The following SAMMSON variants were observed in gnomAD, a reference collection of about 807,000 sequenced individuals.
SAMMSON encodes the protein survival associated mitochondrial melanoma specific oncogenic non-coding RNA, also known as long intergenic non-protein coding RNA 1212.
At chr3:70,100,698 G>A (rs1486791424) in intron 4 of SAMMSON, among the ~76,000 whole-genome samples, 1 of 152,156 alleles carries the variant, frequency 6.6e-6, no homozygotes, top group Non-Finnish European at 1.5e-5. Context: ...CTGTTCTCTT[G>A]TGTGAGTGAC....
intron 4 of SAMMSON, among the ~76,000 whole-genome samples, chr3:70,242,066 C>G (rs1481889062): frequency 6.6e-6 from 1 of 152,150 alleles, no homozygotes; most frequent in Non-Finnish European, 1.5e-5. Context: ...GAGACAATTT[C>G]CTCGTAAGGG....
At chr3:70,426,405 T>C (rs746000532) in intron 2 of SAMMSON, among the ~76,000 whole-genome samples, 1 of 152,208 alleles carries the variant, frequency 6.6e-6, no homozygotes, top group Non-Finnish European at 1.5e-5. Flanking sequence ...CTAAATCATT[T>C]TGAGGAGACA....
At chr3:70,311,776 C>T (rs1298166332) in intron 7 of SAMMSON, 3 of 388,288 alleles carry the variant, frequency 7.7e-6, no homozygotes, top group Non-Finnish European at 1.4e-5. Flanking sequence ...ATCAGAAGTA[C>T]TACTATTTGA....
At chr3:70,283,823 T>C (rs1702113166) in intron 6 of SAMMSON, 3 of 151,566 alleles carry the variant, frequency 2.0e-5, no homozygotes, top group Non-Finnish European at 4.4e-5. Context: ...TATGGCCAAA[T>C]GTTAACATCT....
intron 4 of SAMMSON, among the ~76,000 whole-genome samples, chr3:70,100,682 T>G (rs2067341205): frequency 1.3e-5 from 2 of 152,208 alleles, no homozygotes; most frequent in South Asian, 4.1e-4. Flanking sequence ...GATATGTTAA[T>G]TTACTCTGTT....
intron 3 of SAMMSON, among the ~76,000 whole-genome samples, chr3:70,015,818 C>CT (rs1271332130): frequency 1.3e-4 from 20 of 152,010 alleles, no homozygotes; most frequent in African/African-American, 4.8e-4. Context: ...GTGGTGTTTG[C>CT]TTTTTTGTTC....
intron 4 of SAMMSON, among the ~76,000 whole-genome samples, chr3:70,193,680 A>G (rs1241613618): frequency 6.6e-6 from 1 of 152,218 alleles, no homozygotes; most frequent in Non-Finnish European, 1.5e-5. Context: ...TTTATATTTT[A>G]TCAGAGTCTA....
At chr3:70,139,277 T>C (rs2067518136) in intron 4 of SAMMSON, among the ~76,000 whole-genome samples, 1 of 152,158 alleles carries the variant, frequency 6.6e-6, no homozygotes, top group Admixed American at 6.6e-5. Flanking sequence ...CCTCAAGTTA[T>C]CCTCCCACCT....
intron 6 of SAMMSON, among the ~76,000 whole-genome samples, chr3:70,253,615 C>T (rs573174023): frequency 6.6e-6 from 1 of 152,120 alleles, no homozygotes; most frequent in Non-Finnish European, 1.5e-5. Flanking sequence ...CCTAGCTAGT[C>T]AAGAGGCTAA....
intron 4 of SAMMSON, among the ~76,000 whole-genome samples, chr3:70,129,830 T>A (rs751656995): frequency 6.6e-6 from 1 of 152,238 alleles, no homozygotes; most frequent in East Asian, 1.9e-4. Context: ...TCTGCCACTT[T>A]GAAAACAGTT....
chr3:70,201,757 T>C (rs999168699), intron 4 of SAMMSON, among the ~76,000 whole-genome samples: 4 of 152,308 alleles, frequency 2.6e-5, no homozygotes, highest in South Asian at 2.1e-4. Flanking sequence ...TACCAGCTTC[T>C]TGATGGCCTG....
chr3:70,149,189 T>G (rs1436033598), intron 4 of SAMMSON, among the ~76,000 whole-genome samples: 3 of 152,138 alleles, frequency 2.0e-5, no homozygotes, highest in Non-Finnish European at 2.9e-5. Context: ...TATAGCTATT[T>G]CCAATAGGTG....
At chr3:70,406,128 C>T (rs1054013292) in intron 2 of SAMMSON, among the ~76,000 whole-genome samples, 4 of 152,108 alleles carry the variant, frequency 2.6e-5, no homozygotes, top group Admixed American at 6.5e-5. Context: ...CCAGTGTACA[C>T]ATATTTCAAA....
intron 2 of SAMMSON, among the ~76,000 whole-genome samples, chr3:70,433,066 A>G (rs1187346322): frequency 6.6e-6 from 1 of 152,048 alleles, no homozygotes; most frequent in African/African-American, 2.4e-5. Flanking sequence ...CTGTCCATTC[A>G]TCTATTGAAG....
intron 6 of SAMMSON, among the ~76,000 whole-genome samples, chr3:70,252,336 C>A (rs892061522): frequency 2.6e-5 from 4 of 152,128 alleles, no homozygotes; most frequent in Admixed American, 6.5e-5. Context: ...CTCCCATAAG[C>A]CTTTCATAGG....
At chr3:70,024,626 T>A (rs6772684) in intron 3 of SAMMSON, among the ~76,000 whole-genome samples, 79,517 of 152,004 alleles carry the variant, frequency 0.52, 21,688 homozygotes, top group East Asian at 0.73. Flanking sequence ...GTTCTTCACT[T>A]GGTCCTTGAA....
chr3:70,211,948 C>T (rs1221946818), intron 4 of SAMMSON, among the ~76,000 whole-genome samples: 3 of 151,412 alleles, frequency 2.0e-5, no homozygotes. Flanking sequence ...AATTCCTTGA[C>T]TGACCTAGCC....
chr3:70,302,751 TG>T (rs1436145732), intron 7 of SAMMSON: 1 of 152,190 alleles, frequency 6.6e-6, no homozygotes, highest in Non-Finnish European at 1.5e-5. Context: ...AGTCTCTAAA[TG>T]TGCTATTTAA....
At chr3:70,141,615 A>T (rs557027925) in intron 4 of SAMMSON, among the ~76,000 whole-genome samples, 2 of 152,368 alleles carry the variant, frequency 1.3e-5, no homozygotes, top group East Asian at 3.9e-4. Flanking sequence ...TAACCATCAC[A>T]GTAACCAACT....
Sources: gnomAD v4.1 joint callset for allele counts (sites outside exome capture counted in the v4.1 genomes callset) on GRCh38, gnomAD v4.1.1 for gene constraint, MANE v1.5 for transcripts, NCBI Gene and HGNC (gene_info 2026-07-23, HGNC 2026-07-21) for gene names.